The following CDH18 variants were observed in gnomAD, a reference collection of about 807,000 sequenced individuals.
CDH18 encodes cadherin-18.
In CDH18, 31 loss-of-function variants were observed where a neutral mutation model predicts 67.9. The observed-to-expected ratio is 0.46, with a 90% CI of 0.34 to 0.62. CDH18 has a LOEUF of 0.62. Among genes scored for constraint, CDH18 ranks in the 20% least tolerant of loss-of-function variants. CDH18 has a pLI of 0.01. For synonymous variants in CDH18, 362 were observed against 347.2 expected (o/e 1.04, Z -0.48); for missense variants, 890 against 975.5 (o/e 0.91, Z 1.17).
intron 5 of CDH18, among the ~76,000 whole-genome samples, chr5:19,696,049 T>G (rs555230249): frequency 1.3e-5 from 2 of 152,290 alleles, no homozygotes; most frequent in South Asian, 4.1e-4. Context: ...TAAAAAACTT[T>G]AAAACTTATA....
chr5:20,003,261 A>G (rs1736593202), intron 2 of CDH18, among the ~76,000 whole-genome samples: 2 of 152,136 alleles, frequency 1.3e-5, no homozygotes, highest in Admixed American at 6.5e-5. Flanking sequence ...CTTTATTAAA[A>G]TTGCAACATA....
chr5:19,630,329 A>T (rs958535946), intron 5 of CDH18, among the ~76,000 whole-genome samples: 1 of 152,192 alleles, frequency 6.6e-6, no homozygotes, highest in Non-Finnish European at 1.5e-5. Flanking sequence ...ATTAGTTATC[A>T]ATGTGGCCCT....
At chr5:20,155,554 T>C (rs1751459126) in intron 2 of CDH18, among the ~76,000 whole-genome samples, 1 of 152,118 alleles carries the variant, frequency 6.6e-6, no homozygotes, top group South Asian at 2.1e-4. Context: ...ATTTCTTTTG[T>C]TGTGTAAAAG....
At chr5:20,055,346 C>T (rs1354605267) in intron 2 of CDH18, among the ~76,000 whole-genome samples, 1 of 152,190 alleles carries the variant, frequency 6.6e-6, no homozygotes, top group Non-Finnish European at 1.5e-5. Context: ...GTTCTAAATT[C>T]TCAAAGCCTC....
In CDH18 at chr5:20,231,950, A is replaced by G. The variant is rs553927270; in HGVS notation, c.-518+23494T>C. On this transcript the variant is annotated intron_variant, in intron 2 of 14. Coordinates refer to the CDH18 transcript ENST00000507958. ...AGATTTCTATTGTTTAAAATAATAG[A>G]TGCTAGAATGTAAAGAGTAAAATTA... Among the ~76,000 whole-genome samples the G allele has an allele frequency of 2.0e-5, 3 of 152,266 alleles. No homozygotes were observed. In the South Asian group the frequency reaches 6.2e-4, roughly 31 times the overall value.
chr5:19,873,021 G>T (rs1276712111), intron 2 of CDH18, among the ~76,000 whole-genome samples: 1 of 152,094 alleles, frequency 6.6e-6, no homozygotes, highest in African/African-American at 2.4e-5. Flanking sequence ...TAGTGAAGGG[G>T]AATCTGGTCT....
intron 11 of CDH18, among the ~76,000 whole-genome samples, chr5:19,494,328 T>C (rs1741946756): frequency 6.6e-6 from 1 of 152,194 alleles, no homozygotes; most frequent in African/African-American, 2.4e-5. Context: ...TGTACACTGA[T>C]AAAATAATAA....
intron 2 of CDH18, among the ~76,000 whole-genome samples, chr5:20,133,978 TTTTC>T (rs1749487082): frequency 6.6e-6 from 1 of 152,156 alleles, no homozygotes; most frequent in Non-Finnish European, 1.5e-5. Flanking sequence ...ATTTCTTGGA[TTTTC>T]TTTAATTTTC....
chr5:20,419,586 C>CAAGTCTTTGCTATTGTAAA (rs1560983980), intron 1 of CDH18, among the ~76,000 whole-genome samples: 5 of 147,640 alleles, frequency 3.4e-5, no homozygotes, highest in African/African-American at 1.3e-4. Flanking sequence ...CGCTATTCTC[C>CAAGTCTTTGCTATTGTAAA]TGCCTCAGCT....
upstream of CDH18, among the ~76,000 whole-genome samples, chr5:19,989,360 G>A (rs1040212245): frequency 6.6e-6 from 1 of 152,198 alleles, no homozygotes; most frequent in Non-Finnish European, 1.5e-5. Context: ...AAGGACTTAA[G>A]ACTAAGAGAG....
rs967976413 is a variant in CDH18 at position 19,612,724 on chromosome 5, G to A, written c.644-123C>T. On this transcript the variant is annotated intron_variant, in intron 5 of 12. Transcript: ENST00000382275. ...GCATATTTTTGGGATAAAGTCACACGTCTGAGAAAAACAATATCTTACCAA... is the reference window on the plus strand; with the variant it reads ...GCATATTTTTGGGATAAAGTCACACATCTGAGAAAAACAATATCTTACCAA... 43 of 728,480 alleles carry A rather than the reference G, an allele frequency of 5.9e-5. 1 individual carries two copies. Among genetic ancestry groups the A allele is most frequent in the Admixed American group, 1.1e-4 (4 of 35,566 alleles). 45.1% of individuals were successfully genotyped at this position (728,480 alleles called of 1,614,324 possible).
intron 1 of CDH18, among the ~76,000 whole-genome samples, chr5:20,336,921 C>T (rs909769450): frequency 6.6e-6 from 1 of 152,014 alleles, no homozygotes; most frequent in Non-Finnish European, 1.5e-5. Flanking sequence ...TGCTCAGGCA[C>T]TCATGGATAA....
chr5:19,513,155 T>C (rs1287211946), intron 10 of CDH18, among the ~76,000 whole-genome samples: 1 of 152,062 alleles, frequency 6.6e-6, no homozygotes, highest in African/African-American at 2.4e-5. Context: ...TTACCCAGGC[T>C]GGAGTGCAGT....
At chr5:19,858,976 CTA>C (rs1784582037) in intron 2 of CDH18, among the ~76,000 whole-genome samples, 1 of 151,758 alleles carries the variant, frequency 6.6e-6, no homozygotes, top group African/African-American at 2.4e-5. Flanking sequence ...GAAAAAAAAA[CTA>C]TTTTATTGAG....
At chr5:20,115,975 G>A (rs1416934281) in intron 2 of CDH18, among the ~76,000 whole-genome samples, 1 of 152,084 alleles carries the variant, frequency 6.6e-6, no homozygotes, top group Non-Finnish European at 1.5e-5. Flanking sequence ...GTAAGTATTA[G>A]GTTGGTGCAA....
intron 2 of CDH18, among the ~76,000 whole-genome samples, chr5:19,869,570 A>G (rs114441119): frequency 0.013 from 1,939 of 152,230 alleles, 36 homozygotes; most frequent in African/African-American, 0.044. Context: ...TTTGAATAAT[A>G]ATTCTACACA....
intron 1 of CDH18, among the ~76,000 whole-genome samples, chr5:20,521,808 T>TACACACACACATAC (rs1755759596): frequency 1.3e-5 from 2 of 149,884 alleles, no homozygotes; most frequent in African/African-American, 4.9e-5. Context: ...CACACACACA[T>TACACACACACATAC]ACACACACAC....
At chr5:20,407,369 CA>C (rs1417146313) in intron 1 of CDH18, among the ~76,000 whole-genome samples, 2 of 151,996 alleles carry the variant, frequency 1.3e-5, no homozygotes, top group Non-Finnish European at 2.9e-5. Context: ...TTTAGGGTAG[CA>C]CAAAGGTTTT....
intron 1 of CDH18, among the ~76,000 whole-genome samples, chr5:20,536,182 T>G (rs1756703697): frequency 1.3e-5 from 2 of 152,204 alleles, no homozygotes; most frequent in African/African-American, 4.8e-5. Flanking sequence ...ACATACTACA[T>G]ATCCTATAAT....
Sources: allele counts gnomAD v4.1 joint callset (sites outside exome capture counted in the v4.1 genomes callset), GRCh38; gene constraint gnomAD v4.1.1; transcripts MANE v1.5; gene names NCBI Gene and HGNC (gene_info 2026-07-23, HGNC 2026-07-21).